GDPD1: variants seen among roughly 807,000 people sequenced by gnomAD.
GDPD1 encodes glycerophosphodiester phosphodiesterase domain containing 1.
In GDPD1, 28 loss-of-function variants were observed where a neutral mutation model predicts 45.1. The ratio of observed to expected loss-of-function variants is 0.62; its 90% CI spans 0.46 to 0.85. The LOEUF is 0.85. GDPD1 is among the 40% of genes least tolerant of loss of function. GDPD1 has a pLI of 0.00. For missense variants in GDPD1, 256 were observed against 364.8 expected, an observed-to-expected ratio of 0.70 and a Z score of 2.43; for synonymous variants, 139 against 131.4, an observed-to-expected ratio of 1.06 and a Z score of -0.40.
chr17:59,274,749 G>A lies in GDPD1; in HGVS notation c.*976G>A, dbSNP rs2047469047. 1.3e-5 allele frequency among the ~76,000 whole-genome samples: 2 copies of A among 150,986 alleles called. No homozygotes were observed. The highest frequency in any genetic ancestry group is 1.3e-4 in the Admixed American group (2 of 15,152). On this transcript the variant is annotated 3_prime_UTR_variant, in exon 10 of 10. Coordinates refer to ENST00000284116, the MANE Select transcript of GDPD1 (RefSeq NM_182569.4). ...GCCGAGATCGCGCCACTGCACTCCA[G>A]CCTGGGCTACAGAGCAAGACTCCGT...
chr17:59,239,837 G>A (rs959078397), intron 2 of GDPD1, among the ~76,000 whole-genome samples: 3 of 149,494 alleles, frequency 2.0e-5, no homozygotes, highest in African/African-American at 4.9e-5. Flanking sequence ...CAGCTCAAGC[G>A]ATCCTCACAC....
rs913888333 is a variant in GDPD1 at position 59,265,000 on chromosome 17, C to T, written c.577-2041C>T. Among the ~76,000 whole-genome samples the T allele has an allele frequency of 2.0e-5, 3 of 151,714 alleles. No homozygotes were observed. The South Asian group carries it at 6.2e-4, about 32-fold the overall frequency. On this transcript the variant is annotated intron_variant, in intron 6 of 9. Transcript: ENST00000284116. ...GGGTTACAGTTGTACGCCACCACGC[C>T]CGGCTAATTTTTGTATTTTTAGTAG...
At chr17:59,257,694 G>A (rs78486108) in intron 5 of GDPD1, 57 bp from the exon 6 acceptor site, 1 of 1,023,380 alleles carries the variant, frequency 9.8e-7, no homozygotes, top group South Asian at 1.4e-5. Flanking sequence ...TAAGTGAAAT[G>A]TTGTTAGTGG....
chr17:59,270,125 TC>T (rs1236925105), intron 7 of GDPD1, among the ~76,000 whole-genome samples: 4 of 152,024 alleles, frequency 2.6e-5, no homozygotes, highest in African/African-American at 9.7e-5. Flanking sequence ...TCCCTAATAT[TC>T]CTGAAATTGC....
intron 4 of GDPD1, among the ~76,000 whole-genome samples, chr17:59,250,025 A>G (rs2047240900): frequency 6.6e-6 from 1 of 152,106 alleles, no homozygotes; most frequent in Admixed American, 6.6e-5. Flanking sequence ...TCTCTTAAAA[A>G]AAAAAAAATT....
At chr17:59,227,199 A>T (rs367843816) in intron 1 of GDPD1, among the ~76,000 whole-genome samples, 1 of 151,766 alleles carries the variant, frequency 6.6e-6, no homozygotes, top group East Asian at 2.0e-4. Context: ...GCCGAGGATC[A>T]CCTGAGGTCA....
At chr17:59,254,596 G>A (rs752165876) in intron 4 of GDPD1, among the ~76,000 whole-genome samples, 4 of 152,026 alleles carry the variant, frequency 2.6e-5, no homozygotes, top group Non-Finnish European at 4.4e-5. Context: ...TAATTATGTA[G>A]CCTATGATAA....
At chr17:59,249,557 A>G (rs2047237728) in intron 4 of GDPD1, among the ~76,000 whole-genome samples, 2 of 152,226 alleles carry the variant, frequency 1.3e-5, no homozygotes, top group Non-Finnish European at 2.9e-5. Context: ...CATTCAAATA[A>G]AACATTTCCT....
intron 2 of GDPD1, among the ~76,000 whole-genome samples, chr17:59,239,255 A>G (rs1469722160): frequency 1.3e-5 from 2 of 152,204 alleles, no homozygotes; most frequent in Admixed American, 1.3e-4. Context: ...ATGAGATTCA[A>G]ATAAATTCTT....
chr17:59,220,960 C>T (rs1936372506), intron 1 of GDPD1, among the ~76,000 whole-genome samples: 1 of 151,636 alleles, frequency 6.6e-6, no homozygotes, highest in South Asian at 2.1e-4. Flanking sequence ...AGAGCCACGG[C>T]GGGGGTCTCT....
chr17:59,251,704 G>A (rs1289105363), intron 4 of GDPD1, among the ~76,000 whole-genome samples: 4 of 151,806 alleles, frequency 2.6e-5, no homozygotes, highest in East Asian at 1.9e-4. Flanking sequence ...CTAATAAACC[G>A]TGTGTAAAAA....
chr17:59,263,438 A>G (rs977027834), intron 6 of GDPD1, among the ~76,000 whole-genome samples: 1 of 151,042 alleles, frequency 6.6e-6, no homozygotes, highest in Non-Finnish European at 1.5e-5. Context: ...TATTGCCAAC[A>G]TACTATATAA....
intron 1 of GDPD1, among the ~76,000 whole-genome samples, chr17:59,223,179 G>C (rs772754340): frequency 3.9e-5 from 6 of 152,038 alleles, no homozygotes. Flanking sequence ...TAGATATTAG[G>C]TCATTTCAAT....
At chr17:59,223,652 G>T (rs935000723) in intron 1 of GDPD1, among the ~76,000 whole-genome samples, 1 of 152,140 alleles carries the variant, frequency 6.6e-6, no homozygotes, top group African/African-American at 2.4e-5. Context: ...GATATTTCTT[G>T]TAAATTAGAT....
At chr17:59,233,021 G>GC (rs2047103189) in intron 1 of GDPD1, among the ~76,000 whole-genome samples, 1 of 151,886 alleles carries the variant, frequency 6.6e-6, no homozygotes, top group African/African-American at 2.4e-5. Context: ...TTCAAGACCA[G>GC]CCTGGCCATC....
At chr17:59,250,818 G>A (rs1428054052) in intron 4 of GDPD1, among the ~76,000 whole-genome samples, 1 of 151,986 alleles carries the variant, frequency 6.6e-6, no homozygotes, top group Non-Finnish European at 1.5e-5. Flanking sequence ...TCATGCCTCA[G>A]CCACCTGAAT....
intron 6 of GDPD1, among the ~76,000 whole-genome samples, chr17:59,265,527 C>A (rs550853458): frequency 1.5e-4 from 22 of 151,170 alleles, no homozygotes; most frequent in South Asian, 1.3e-3. Flanking sequence ...ACAGCGAGAC[C>A]CTGTCTAATA....
chr17:59,253,841 G>A (rs1205388342), intron 4 of GDPD1, among the ~76,000 whole-genome samples: 1 of 152,036 alleles, frequency 6.6e-6, no homozygotes, highest in African/African-American at 2.4e-5. Context: ...GCCCATCCCC[G>A]AGGGTGAATG....
chr17:59,270,343 G>A (rs1364849828), intron 7 of GDPD1, among the ~76,000 whole-genome samples: 1 of 150,952 alleles, frequency 6.6e-6, no homozygotes, highest in Non-Finnish European at 1.5e-5. Context: ...ACAGGTGTGC[G>A]CCACCATGCC....
Sources: allele counts gnomAD v4.1 joint callset (sites outside exome capture counted in the v4.1 genomes callset), GRCh38; gene constraint gnomAD v4.1.1; transcripts MANE v1.5; gene names NCBI Gene and HGNC (gene_info 2026-07-23, HGNC 2026-07-21).